STARD5: variants seen among roughly 807,000 people sequenced by gnomAD.
STARD5 encodes stAR-related lipid transfer protein 5.
Under a neutral mutation model 24.6 loss-of-function variants are expected in STARD5, and 26 were observed. The ratio of observed to expected loss-of-function variants is 1.06; its 90% CI spans 0.77 to 1.47. STARD5 has a LOEUF of 1.47. Ranked by LOEUF, STARD5 falls within the 40% of genes most tolerant of loss-of-function variation. The pLI, the probability that STARD5 is intolerant of heterozygous loss-of-function variation, is 0.00. For synonymous variants in STARD5, 101 were observed against 99.7 expected, an observed-to-expected ratio of 1.01 and a Z score of -0.07; for missense variants, 254 against 270.8, an observed-to-expected ratio of 0.94 and a Z score of 0.44.
chr15:81,322,464 G>A lies in STARD5; in HGVS notation c.226C>T (p.Arg76Ter), dbSNP rs183104251. 1.3e-4 allele frequency: 217 copies of A among 1,614,162 alleles called. 2 individuals carry two copies. The highest frequency in any genetic ancestry group is 1.1e-3 in the East Asian group (50 of 44,882). The change falls in exon 3 of 6, where the codon CGA (arginine) becomes TGA (stop). Residue 76 changes from arginine to a stop codon, truncating the protein, a stop_gained. Transcript: ENST00000302824. LOFTEE classifies it high-confidence loss of function. ...DCVKPAVGGL[R>*]VKWDENVTGF... The stretch of plus-strand genomic sequence containing the variant: ...GTCACATTCTCATCCCACTTCACTC[G>A]TAGGCCTCCAACAGCTGGCTTCACA...
In STARD5 at chr15:81,313,263, T is replaced by G; in HGVS notation, c.635A>C (p.His212Pro). ...CAAGAAGTAACGATAGCATTACTCA[T>G]GGAATTGCTTCACTGCTTTCTGAAG... ...ANLQKAVKQF[H>P]E is the part of the protein sequence containing the mutation. The change falls in exon 6 of 6, where the codon CAT (histidine) becomes CCT (proline). Residue 212 changes from histidine to proline, a missense_variant. Physicochemically the swap from His to Pro is moderately conservative, Grantham distance 77. Transcript: ENST00000302824. 2 of 1,568,280 alleles carry G rather than the reference T, an allele frequency of 1.3e-6. No individual in the cohort carries two copies. Among genetic ancestry groups the G allele is most frequent in the Non-Finnish European group, 8.6e-7 (1 of 1,156,916 alleles).
chr15:81,323,793 G>C (rs920166564), intron 1 of STARD5: 9 of 706,016 alleles, frequency 1.3e-5, no homozygotes, highest in African/African-American at 1.2e-4. Context: ...GAAAGGAACA[G>C]ATACTTACCA....
At chr15:81,316,791 A>G (rs1044960311) in intron 5 of STARD5, among the ~76,000 whole-genome samples, 1 of 152,228 alleles carries the variant, frequency 6.6e-6, no homozygotes, top group Non-Finnish European at 1.5e-5. Flanking sequence ...AAAGCTTTAC[A>G]GAGAACACGT....
intron 5 of STARD5, among the ~76,000 whole-genome samples, chr15:81,315,171 TCTCCTCCCTGCTC>T (rs1488752110): frequency 6.6e-6 from 1 of 151,898 alleles, no homozygotes; most frequent in Non-Finnish European, 1.5e-5. Flanking sequence ...GAGCCTTCTC[TCTCCTCCCTGCTC>T]CTCCTCCCAA....
rs1900780233 is a variant in STARD5 at position 81,310,174 on chromosome 15, G to C, written c.*3082C>G. On this transcript the variant is annotated 3_prime_UTR_variant, in exon 6 of 6. Coordinates refer to ENST00000302824, the MANE Select transcript of STARD5 (RefSeq NM_181900.3). Reference sequence around the variant, plus strand: ...CTGATCCTGTGAAGTAAGGATGTGGGGGAAGACCTGGCAAGGACACAGATG... The same window carrying C: ...CTGATCCTGTGAAGTAAGGATGTGGCGGAAGACCTGGCAAGGACACAGATG... 2 of 152,246 alleles carry C rather than the reference G, an allele frequency of 1.3e-5. No homozygotes were observed. The highest frequency in any genetic ancestry group is 6.5e-5 in the Admixed American group (1 of 15,280). The allele number at this position is 152,246 out of a possible 1,614,324, so 9.4% of individuals were successfully genotyped here. A position where few individuals can be genotyped will look rare whatever the true frequency, so the allele number is the denominator to read the frequency against.
In STARD5 at chr15:81,311,244, G is replaced by A. The variant is rs1900836525; in HGVS notation, c.*2012C>T. On this transcript the variant is annotated 3_prime_UTR_variant, in exon 6 of 6. Coordinates refer to ENST00000302824, the MANE Select transcript of STARD5 (RefSeq NM_181900.3). ...AGTCGTCTTAACTCACCATAAAAAGGAATCCACTCCCAGGCAGCCCTACTT... is the reference window on the plus strand; with the variant it reads ...AGTCGTCTTAACTCACCATAAAAAGAAATCCACTCCCAGGCAGCCCTACTT... 6.6e-6 allele frequency: 1 copy of A among 152,204 alleles called. No homozygotes were observed. Among genetic ancestry groups the A allele is most frequent in the African/African-American group, 2.4e-5 (1 of 41,444 alleles). 9.4% of individuals were successfully genotyped at this position (152,204 alleles called of 1,614,324 possible).
At chr15:81,320,589 CG>C (rs773472277) in intron 3 of STARD5, among the ~76,000 whole-genome samples, 1 of 152,110 alleles carries the variant, frequency 6.6e-6, no homozygotes, top group Non-Finnish European at 1.5e-5. Flanking sequence ...GGAGTGCGGG[CG>C]GCAATATGTA....
At chr15:81,323,936 C>T (rs1168800259) in intron 1 of STARD5, 65 bp downstream of exon 1, 1 of 1,518,982 alleles carries the variant, frequency 6.6e-7, no homozygotes, top group Admixed American at 2.0e-5. Flanking sequence ...CGCTTGGGGG[C>T]TTCTGGGGAC....
rs1042653804 is a variant in STARD5 at position 81,322,443 on chromosome 15, C to T, written c.247G>A (p.Val83Met). 2 of 1,614,136 alleles carry T rather than the reference C, an allele frequency of 1.2e-6. No homozygotes were observed. Among genetic ancestry groups the T allele is most frequent in the African/African-American group, 1.3e-5 (1 of 74,934 alleles). Reference sequence around the variant, plus strand: ...CTTTGGATAATTTCAAAACCGGTCACATTCTCATCCCACTTCACTCGTAGG... The same window carrying T: ...CTTTGGATAATTTCAAAACCGGTCATATTCTCATCCCACTTCACTCGTAGG... ...GGLRVKWDEN[V>M]TGFEIIQSIT... The change falls in exon 3 of 6, where the codon GTG (valine) becomes ATG (methionine). Residue 83 changes from valine (V) to methionine (M), a missense_variant. Val to Met is a conservative substitution (Grantham distance 21, BLOSUM62 1). Transcript: ENST00000302824.
intron 5 of STARD5, 145 bp downstream of exon 5, chr15:81,318,264 T>C (rs950616878): frequency 4.5e-6 from 3 of 670,520 alleles, no homozygotes; most frequent in Non-Finnish European, 7.9e-6. Context: ...TGTGTGAAAG[T>C]ATTTTGTATC....
chr15:81,321,292 C>T (rs1479694447), intron 3 of STARD5, among the ~76,000 whole-genome samples: 3 of 152,232 alleles, frequency 2.0e-5, no homozygotes, highest in African/African-American at 4.8e-5. Flanking sequence ...GAATTACACT[C>T]GTACCTCAAT....
At chr15:81,317,806 A>G (rs1403339627) in intron 5 of STARD5, among the ~76,000 whole-genome samples, 1 of 152,186 alleles carries the variant, frequency 6.6e-6, no homozygotes, top group Admixed American at 6.5e-5. Context: ...AATTCATTAC[A>G]CAGAAATTTC....
In STARD5 at chr15:81,310,625, G is replaced by A. The variant is rs1900801051; in HGVS notation, c.*2631C>T. ...CTTCCCATGACCCAGGCTGGGCAAGGAGGCCACGTGATGTGGAGGGCACAT... is the reference window on the plus strand; with the variant it reads ...CTTCCCATGACCCAGGCTGGGCAAGAAGGCCACGTGATGTGGAGGGCACAT... On this transcript the variant is annotated 3_prime_UTR_variant, in exon 6 of 6. Coordinates refer to ENST00000302824, the MANE Select transcript of STARD5 (RefSeq NM_181900.3). 1 of 152,202 alleles carries A rather than the reference G, an allele frequency of 6.6e-6. No individual in the cohort carries two copies. Among genetic ancestry groups the A allele is most frequent in the African/African-American group, 2.4e-5 (1 of 41,440 alleles). The allele number at this position is 152,202 out of a possible 1,614,324, so 9.4% of individuals were successfully genotyped here.
chr15:81,313,468 C>T, intron 5 of STARD5, 65 bp from the exon 6 acceptor site: 12 of 1,417,942 alleles, frequency 8.5e-6, no homozygotes, highest in Non-Finnish European at 1.1e-5. Context: ...GAGCGCCAGG[C>T]AGGTGAGCAG....
Position 81,309,064 on chromosome 15 carries a change from C to T in STARD5, c.*4192G>A, listed in dbSNP as rs537706206. On this transcript the variant is annotated 3_prime_UTR_variant, in exon 6 of 6. Coordinates refer to ENST00000302824, the MANE Select transcript of STARD5 (RefSeq NM_181900.3). ...GCTTAATGATAATATTGTGGTGCCACAAATAAAATGGATTTATTAGAATTT... is the reference window on the plus strand; with the variant it reads ...GCTTAATGATAATATTGTGGTGCCATAAATAAAATGGATTTATTAGAATTT... The T allele has an allele frequency of 5.9e-4, 218 of 368,588 alleles. No individual in the cohort carries two copies. Among genetic ancestry groups the T allele is most frequent in the Middle Eastern group, 5.0e-3 (7 of 1,404 alleles). The allele number at this position is 368,588 out of a possible 1,614,324, so 22.8% of individuals were successfully genotyped here.
rs1393022163 is a variant in STARD5, at chr15:81,311,354, T to A, written c.*1902A>T. 2.0e-5 allele frequency: 3 copies of A among 152,268 alleles called. No homozygotes were observed. Among genetic ancestry groups the A allele is most frequent in the Non-Finnish European group, 2.9e-5 (2 of 68,054 alleles). The allele number at this position is 152,268 out of a possible 1,614,324, so 9.4% of individuals were successfully genotyped here. On this transcript the variant is annotated 3_prime_UTR_variant, in exon 6 of 6. Coordinates refer to ENST00000302824, the MANE Select transcript of STARD5 (RefSeq NM_181900.3). ...GAAGCAGGCTACACTGACACTGGTA[T>A]TCCTGCCTCCATATTTTCTTTAAAA...
chr15:81,311,309 T>C lies in STARD5; in HGVS notation c.*1947A>G, dbSNP rs554856822. The C allele has an allele frequency of 1.3e-5, 2 of 152,340 alleles. No homozygotes were observed. Among genetic ancestry groups the C allele is most frequent in the South Asian group, 4.1e-4 (2 of 4,832 alleles). 9.4% of individuals were successfully genotyped at this position (152,340 alleles called of 1,614,324 possible). A position where few individuals can be genotyped will look rare whatever the true frequency, so the allele number is the denominator to read the frequency against. On this transcript the variant is annotated 3_prime_UTR_variant, in exon 6 of 6. Transcript: ENST00000302824. ...GCATTTTACTGATTCATACATTATC[T>C]CACTTGTGCCAACACTCAAGAAGCA...
At chr15:81,317,719 C>T (rs1396402571) in intron 5 of STARD5, among the ~76,000 whole-genome samples, 7 of 151,980 alleles carry the variant, frequency 4.6e-5, no homozygotes, top group South Asian at 2.1e-4. Flanking sequence ...CAGGGAACAC[C>T]GGGACACACC....
chr15:81,313,376 T>C lies in STARD5; in HGVS notation c.522A>G (p.Thr174=), dbSNP rs1900970100. The C allele has an allele frequency of 1.3e-6, 2 of 1,572,084 alleles. No homozygotes were observed. Among genetic ancestry groups the C allele is most frequent in the African/African-American group, 2.7e-5 (2 of 73,270 alleles). ...PGEPTKTNLV[T]FFHTDLSGYL... ...AACCGCTGAGGTCGGTATGGAAGAA[T>C]GTGACCAGGTTGGTCTTGGTGGGTT... is the stretch of plus-strand genomic sequence containing the variant. Residue 174 remains threonine, a synonymous_variant, in exon 6 of 6, where the codon ACA becomes ACG. Transcript: ENST00000302824.
Sources: allele counts gnomAD v4.1 joint callset (sites outside exome capture counted in the v4.1 genomes callset), GRCh38; gene constraint gnomAD v4.1.1; transcripts MANE v1.5; gene names NCBI Gene and HGNC (gene_info 2026-07-23, HGNC 2026-07-21).